The following FNBP1L variants were observed in gnomAD, a reference collection of about 807,000 sequenced individuals.
The protein encoded by FNBP1L is formin-binding protein 1-like.
In FNBP1L, 36 loss-of-function variants were observed where a neutral mutation model predicts 91.2. That is an observed-to-expected ratio of 0.39 (90% CI 0.30 to 0.52). The LOEUF (loss-of-function observed/expected upper bound fraction) is 0.52, where lower values mean the gene tolerates loss of function less well. Among genes scored for constraint, FNBP1L ranks in the 20% least tolerant of loss-of-function variants. The probability of loss-of-function intolerance (pLI) is 0.66; values close to 1 mark genes in which losing one functional copy is unlikely to be tolerated. For synonymous variants in FNBP1L, 242 were observed against 237.0 expected (o/e 1.02, Z -0.19); for missense variants, 571 against 732.1 (o/e 0.78, Z 2.54).
intron 1 of FNBP1L, among the ~76,000 whole-genome samples, chr1:93,491,365 A>G (rs1670083929): frequency 6.6e-6 from 1 of 151,112 alleles, no homozygotes; most frequent in Admixed American, 6.6e-5. Context: ...TAGTGTGACC[A>G]CTAAAGAAAG....
intron 2 of FNBP1L, among the ~76,000 whole-genome samples, chr1:93,519,413 T>A (rs542162343): frequency 6.6e-6 from 1 of 152,318 alleles, no homozygotes; most frequent in East Asian, 1.9e-4. Flanking sequence ...AATTCCTGTT[T>A]ATCTCTTTAG....
At chr1:93,522,176 T>A (rs1671351329) in intron 3 of FNBP1L, 41 bp downstream of exon 3, 1 of 989,802 alleles carries the variant, frequency 1.0e-6, no homozygotes, top group Admixed American at 3.7e-5. Flanking sequence ...TTAAAAAATT[T>A]AAAAATACTT....
At chr1:93,509,990 A>G (rs979775904) in intron 2 of FNBP1L, among the ~76,000 whole-genome samples, 2 of 152,160 alleles carry the variant, frequency 1.3e-5, no homozygotes, top group African/African-American at 4.8e-5. Flanking sequence ...GATTGCTAGC[A>G]CAGCAGTCTG....
Position 93,553,244 on chromosome 1 carries a change from G to A in FNBP1L, c.*828G>A, listed in dbSNP as rs1672476138. ...ACACAGAAGATATTCACCACCTCAAGACAAAGGACTATTGTCAAAAGTCAG... is the reference window on the plus strand; with the variant it reads ...ACACAGAAGATATTCACCACCTCAAAACAAAGGACTATTGTCAAAAGTCAG... On this transcript the variant is annotated 3_prime_UTR_variant, in exon 17 of 17. Transcript: ENST00000271234. 1 of 152,672 alleles carries A rather than the reference G, an allele frequency of 6.5e-6. No homozygotes were observed. Among genetic ancestry groups the A allele is most frequent in the Non-Finnish European group, 1.5e-5 (1 of 68,056 alleles). 9.5% of individuals were successfully genotyped at this position (152,672 alleles called of 1,614,324 possible). A position where few individuals can be genotyped will look rare whatever the true frequency, so the allele number is the denominator to read the frequency against.
chr1:93,472,983 CTGTT>C (rs1327585446), intron 1 of FNBP1L, among the ~76,000 whole-genome samples: 1 of 151,930 alleles, frequency 6.6e-6, no homozygotes, highest in South Asian at 2.1e-4. Context: ...TTTTGTATGA[CTGTT>C]TATGTTTCTC....
At chr1:93,505,137 G>A (rs1670567218) in intron 2 of FNBP1L, among the ~76,000 whole-genome samples, 1 of 134,860 alleles carries the variant, frequency 7.4e-6, no homozygotes, top group Non-Finnish European at 1.5e-5. Context: ...TTGAGACAGA[G>A]TCTCACTCTT....
chr1:93,481,900 C>A (rs183380251), intron 1 of FNBP1L, among the ~76,000 whole-genome samples: 109 of 152,288 alleles, frequency 7.2e-4, no homozygotes, highest in African/African-American at 2.6e-3. Flanking sequence ...TGGCTCACAC[C>A]TGTAATCCCA....
At chr1:93,456,469 A>G (rs1411047517) in intron 1 of FNBP1L, among the ~76,000 whole-genome samples, 1 of 151,994 alleles carries the variant, frequency 6.6e-6, no homozygotes, top group Non-Finnish European at 1.5e-5. Context: ...CTTGCTGCAC[A>G]CCCAATTTAT....
intron 6 of FNBP1L, among the ~76,000 whole-genome samples, 176 bp from the exon 7 acceptor site, chr1:93,530,579 A>T (rs747108223): frequency 3.5e-5 from 5 of 141,452 alleles, no homozygotes; most frequent in Non-Finnish European, 5.9e-5. Flanking sequence ...GTGTCTTTAA[A>T]TATAAAATAT....
chr1:93,540,927 A>T, intron 10 of FNBP1L, 115 bp from the exon 11 acceptor site: 1 of 832,656 alleles, frequency 1.2e-6, no homozygotes, highest in Non-Finnish European at 1.8e-6. Flanking sequence ...TTGGATTGTG[A>T]AATGTACGTG....
At chr1:93,460,434 T>A (rs1473996633) in intron 1 of FNBP1L, among the ~76,000 whole-genome samples, 2 of 152,224 alleles carry the variant, frequency 1.3e-5, no homozygotes, top group African/African-American at 4.8e-5. Context: ...TCAGATACTT[T>A]CTTTTAGCAG....
At chr1:93,505,660 T>C (rs1670584651) in intron 2 of FNBP1L, among the ~76,000 whole-genome samples, 1 of 152,230 alleles carries the variant, frequency 6.6e-6, no homozygotes, top group African/African-American at 2.4e-5. Context: ...CTAGCAGATA[T>C]TTAAGAATGT....
chr1:93,465,193 TGGG>T (rs35355479), intron 1 of FNBP1L, among the ~76,000 whole-genome samples: 5 of 138,780 alleles, frequency 3.6e-5, no homozygotes, highest in African/African-American at 1.1e-4. Context: ...GTCTCTTTTT[TGGG>T]GGGGGGGGTT....
chr1:93,519,005 A>G (rs1052774707), intron 2 of FNBP1L, among the ~76,000 whole-genome samples: 3 of 152,208 alleles, frequency 2.0e-5, no homozygotes, highest in Admixed American at 6.5e-5. Context: ...GTCATGCCCA[A>G]TTACTAGTTT....
chr1:93,465,393 C>G (rs1323465467), intron 1 of FNBP1L, among the ~76,000 whole-genome samples: 5 of 151,722 alleles, frequency 3.3e-5, no homozygotes, highest in African/African-American at 7.3e-5. Context: ...GTGATGTTCA[C>G]CGCCTTGTGT....
chr1:93,516,313 C>T (rs1052252079), intron 2 of FNBP1L, among the ~76,000 whole-genome samples: 1 of 152,166 alleles, frequency 6.6e-6, no homozygotes, highest in African/African-American at 2.4e-5. Context: ...ACCTCTTGAT[C>T]TGCAGTCAAA....
chr1:93,522,753 A>G (rs1671373063), intron 3 of FNBP1L, among the ~76,000 whole-genome samples: 1 of 152,180 alleles, frequency 6.6e-6, no homozygotes, highest in Non-Finnish European at 1.5e-5. Flanking sequence ...GTTCCGCAGT[A>G]TGTTCAAAGT....
chr1:93,537,818 A>G (rs535867466), intron 10 of FNBP1L, among the ~76,000 whole-genome samples: 1 of 152,126 alleles, frequency 6.6e-6, no homozygotes, highest in South Asian at 2.1e-4. Context: ...ACTCATTCCC[A>G]TGTTGCTTCC....
intron 1 of FNBP1L, among the ~76,000 whole-genome samples, chr1:93,452,455 A>G (rs1315680999): frequency 6.6e-6 from 1 of 152,238 alleles, no homozygotes; most frequent in African/African-American, 2.4e-5. Context: ...ACCTACAGGT[A>G]ATTTCTGGTG....
Sources: allele counts gnomAD v4.1 joint callset (sites outside exome capture counted in the v4.1 genomes callset), GRCh38; gene constraint gnomAD v4.1.1; transcripts MANE v1.5; gene names NCBI Gene and HGNC (gene_info 2026-07-23, HGNC 2026-07-21).